HDAC8: variants seen among roughly 807,000 people sequenced by gnomAD.
The protein encoded by HDAC8 is histone deacetylase-like 1.
HDAC8 carries 1 observed loss-of-function variant against 32.2 expected under a neutral mutation model. The ratio of observed to expected loss-of-function variants is 0.03; its 90% CI spans 0.01 to 0.15. The LOEUF is 0.15. HDAC8 is among the 10% of genes least tolerant of loss of function. The probability of loss-of-function intolerance (pLI) is 1.00; values close to 1 mark genes in which losing one functional copy is unlikely to be tolerated. For synonymous variants in HDAC8, 108 were observed against 113.9 expected (o/e 0.95, Z 0.33); for missense variants, 117 against 300.0 (o/e 0.39, Z 4.51).
intron 9 of HDAC8, among the ~76,000 whole-genome samples, chrX:72,449,134 G>A (rs1051429597): frequency 3.6e-5 from 4 of 112,223 alleles, no homozygotes; most frequent in African/African-American, 1.3e-4. Flanking sequence ...GTTTGTAGAT[G>A]TTTATTGCAG....
At chrX:72,410,680 C>T (rs2046166734) in intron 9 of HDAC8, among the ~76,000 whole-genome samples, 1 of 111,852 alleles carries the variant, frequency 8.9e-6, no homozygotes, top group Admixed American at 9.5e-5. Context: ...CACCACCTTC[C>T]TTGCCACTAC....
At chrX:72,562,685 A>T (rs782261906) in intron 4 of HDAC8, among the ~76,000 whole-genome samples, 26 of 110,678 alleles carry the variant, frequency 2.3e-4, no homozygotes, top group East Asian at 2.8e-4. Flanking sequence ...GAAATAAAAA[A>T]ATATATATAT....
At chrX:72,559,962 G>A (rs782214856) in intron 4 of HDAC8, among the ~76,000 whole-genome samples, 1 of 102,028 alleles carries the variant, frequency 9.8e-6, no homozygotes, top group East Asian at 3.3e-4. Flanking sequence ...GCCCCCGCCC[G>A]GCCGCTGCCC....
chrX:72,560,272 G>A (rs782554480), intron 4 of HDAC8, among the ~76,000 whole-genome samples: 10 of 109,484 alleles, frequency 9.1e-5, no homozygotes, highest in Non-Finnish European at 1.7e-4. Context: ...CCCCAACCCC[G>A]TGCTCTCTGA....
chrX:72,451,231 T>A (rs2047562974), intron 9 of HDAC8, among the ~76,000 whole-genome samples: 1 of 109,987 alleles, frequency 9.1e-6, no homozygotes, highest in Admixed American at 9.7e-5. Context: ...GAGTCTTGCA[T>A]TGTTGCCCAG....
At chrX:72,474,054 C>T (rs1240798507) in intron 7 of HDAC8, 3 of 672,270 alleles carry the variant, frequency 4.5e-6, no homozygotes, top group East Asian at 1.6e-4. Context: ...TCCTTCCCTA[C>T]AATCTCTGTA....
Position 72,344,872 on chromosome X carries a change from C to T in HDAC8, c.1111+6861G>A, listed in dbSNP as rs781904530. 5.4e-5 allele frequency among the ~76,000 whole-genome samples: 6 copies of T among 111,917 alleles called. No homozygotes were observed. The South Asian group carries it at 1.1e-3, about 21-fold the overall frequency. ...AGTCTCAGTCTTGCACTACCATCAC[C>T]ATCCATCCCAAATATCACTGTATCA... is the stretch of plus-strand genomic sequence containing the variant. On this transcript the variant is annotated intron_variant, in intron 10 of 10. Coordinates refer to ENST00000373573, the MANE Select transcript of HDAC8 (RefSeq NM_018486.3).
At chrX:72,543,667 G>T (rs184100453) in intron 4 of HDAC8, among the ~76,000 whole-genome samples, 26 of 112,515 alleles carry the variant, frequency 2.3e-4, no homozygotes, top group African/African-American at 7.7e-4. Context: ...CCACTTAGAT[G>T]AAGAGTTATC....
At chrX:72,572,262 C>T (rs782420072) in intron 1 of HDAC8, among the ~76,000 whole-genome samples, 153 bp from the exon 2 acceptor site, 43 of 112,167 alleles carry the variant, frequency 3.8e-4, no homozygotes, top group Non-Finnish European at 6.8e-4. Context: ...AGTTACAATA[C>T]ACTTTAGACA....
intron 9 of HDAC8, among the ~76,000 whole-genome samples, chrX:72,423,505 C>T (rs1260095780): frequency 2.7e-5 from 3 of 112,045 alleles, no homozygotes; most frequent in Non-Finnish European, 5.6e-5. Flanking sequence ...TCTCCCACAT[C>T]CATGCACAGT....
intron 9 of HDAC8, among the ~76,000 whole-genome samples, chrX:72,440,883 C>A (rs1555981429): frequency 8.9e-6 from 1 of 112,859 alleles, no homozygotes; most frequent in African/African-American, 3.2e-5. Flanking sequence ...GACATTATAT[C>A]CCGCACCTGG....
intron 4 of HDAC8, among the ~76,000 whole-genome samples, chrX:72,552,791 AT>A (rs1191184714): frequency 1.4e-4 from 14 of 99,099 alleles, no homozygotes; most frequent in Admixed American, 1.1e-4. Flanking sequence ...AAAAAAAAAA[AT>A]ATATATATGT....
chrX:72,527,083 G>A (rs2050175782), intron 4 of HDAC8, among the ~76,000 whole-genome samples: 2 of 111,724 alleles, frequency 1.8e-5, no homozygotes, highest in South Asian at 7.7e-4. Flanking sequence ...ACTTTAGTAT[G>A]TTACACAAGG....
intron 9 of HDAC8, among the ~76,000 whole-genome samples, chrX:72,376,488 G>C (rs971158682): frequency 8.1e-5 from 9 of 111,711 alleles, no homozygotes; most frequent in African/African-American, 2.9e-4. Context: ...GCGCAATCTT[G>C]GATCACTGCA....
chrX:72,534,310 T>C (rs1487549639), intron 4 of HDAC8, among the ~76,000 whole-genome samples: 1 of 97,277 alleles, frequency 1.0e-5, no homozygotes, highest in African/African-American at 4.5e-5. Context: ...TGTATATATA[T>C]ATATATTTTT....
intron 10 of HDAC8, among the ~76,000 whole-genome samples, chrX:72,334,977 A>G (rs1252896780): frequency 8.9e-6 from 1 of 112,161 alleles, no homozygotes; most frequent in Non-Finnish European, 1.9e-5. Flanking sequence ...GTATTTTGTT[A>G]GGTGTTGATG....
chrX:72,516,802 C>T (rs916150390), intron 4 of HDAC8, among the ~76,000 whole-genome samples: 2 of 111,792 alleles, frequency 1.8e-5, no homozygotes, highest in Non-Finnish European at 3.8e-5. Context: ...CTTAAAATTC[C>T]GTCGCATTTA....
At chrX:72,510,989 T>C (rs1178813460) in intron 4 of HDAC8, among the ~76,000 whole-genome samples, 1 of 111,622 alleles carries the variant, frequency 9.0e-6, no homozygotes, top group Non-Finnish European at 1.9e-5. Context: ...CCAGGGTATA[T>C]CTCAGGTTCA....
chrX:72,533,340 G>A (rs2050412670), intron 4 of HDAC8, among the ~76,000 whole-genome samples: 2 of 111,649 alleles, frequency 1.8e-5, no homozygotes, highest in South Asian at 7.6e-4. Flanking sequence ...GCTATTCTGG[G>A]TCCCTTGCAT....
Sources: gnomAD v4.1 joint callset for allele counts (sites outside exome capture counted in the v4.1 genomes callset) on GRCh38, gnomAD v4.1.1 for gene constraint, MANE v1.5 for transcripts, NCBI Gene and HGNC (gene_info 2026-07-23, HGNC 2026-07-21) for gene names.